LRRC32: variants seen among roughly 807,000 people sequenced by gnomAD.
LRRC32 encodes transforming growth factor beta activator LRRC32.
A neutral mutation model predicts 15.0 loss-of-function variants in LRRC32; 5 were observed. The ratio of observed to expected loss-of-function variants is 0.33; its 90% confidence interval spans 0.17 to 0.70. LRRC32 has a LOEUF of 0.70. Among genes scored for constraint, LRRC32 ranks in the 30% least tolerant of loss-of-function variants. The probability of loss-of-function intolerance (pLI) is 0.66; values close to 1 mark genes in which losing one functional copy is unlikely to be tolerated. For missense variants in LRRC32, 803 were observed against 854.2 expected (o/e 0.94, Z 0.75); for synonymous variants, 391 against 403.9 (o/e 0.97, Z 0.38).
Position 76,660,577 on chromosome 11 carries a change from G to C in LRRC32, c.1016C>G (p.Thr339Ser). 1 of 1,614,204 alleles carries C rather than the reference G, an allele frequency of 6.2e-7. No homozygotes were observed. The change falls in exon 3 of 3, where the codon ACC becomes AGC. Residue 339 changes from threonine to serine, a missense_variant. Transcript: ENST00000260061. ...LIPDSFLEHLTSLCFLNLSRN... is the reference protein window; with the variant it reads ...LIPDSFLEHLSSLCFLNLSRN... ...GCTGAGGTTCAGGAAGCACAGGGAG[G>C]TCAGGTGCTCAAGAAAGCTGTCGGG...
intron 2 of LRRC32, 138 bp from the exon 3 acceptor site, chr11:76,661,646 A>G: frequency 7.2e-7 from 1 of 1,395,960 alleles, no homozygotes. Context: ...ACTTTCCCCC[A>G]CCGCAGCCTG....
chr11:76,667,279 G>A (rs529685782), intron 1 of LRRC32, among the ~76,000 whole-genome samples: 28 of 152,318 alleles, frequency 1.8e-4, no homozygotes, highest in African/African-American at 5.1e-4. Context: ...GAGGTCACAC[G>A]GTGAACAAGC....
In LRRC32 at chr11:76,659,312, G is replaced by A. The variant is rs1952467552; in HGVS notation, c.*292C>T. 1.6e-5 allele frequency: 6 copies of A among 386,010 alleles called. No individual in the cohort carries two copies. The East Asian group carries it at 2.9e-4, about 19-fold the overall frequency. 23.9% of individuals were successfully genotyped at this position (386,010 alleles called of 1,614,324 possible). A position where few individuals can be genotyped will look rare whatever the true frequency, so the allele number is the denominator to read the frequency against. On this transcript the variant is annotated 3_prime_UTR_variant, in exon 3 of 3. Coordinates refer to ENST00000260061, the MANE Select transcript of LRRC32 (RefSeq NM_001128922.2). ...TTTCCCAGCATTCCCAGTGCCCAGAGCAGGGTGTGGCACAAAATACATGCT... is the reference window on the plus strand; with the variant it reads ...TTTCCCAGCATTCCCAGTGCCCAGAACAGGGTGTGGCACAAAATACATGCT...
In LRRC32 at chr11:76,659,522, A is replaced by G. The variant is rs1331987657; in HGVS notation, c.*82T>C. On this transcript the variant is annotated 3_prime_UTR_variant, in exon 3 of 3. Transcript: ENST00000260061. ...GGAGACCAGAGTTCTGGGATCCCGG[A>G]TCACTGTGTGACCTTGAGTCAGTCC... 5 of 1,429,180 alleles carry G rather than the reference A, an allele frequency of 3.5e-6. No individual in the cohort carries two copies. The highest frequency in any genetic ancestry group is 4.7e-6 in the Non-Finnish European group (5 of 1,053,462). The allele number at this position is 1,429,180 out of a possible 1,614,324, so 88.5% of individuals were successfully genotyped here.
Position 76,657,662 on chromosome 11 carries a change from C to T in LRRC32, c.*1942G>A, listed in dbSNP as rs996373609. 1 of 152,968 alleles carries T rather than the reference C, an allele frequency of 6.5e-6. No homozygotes were observed. Among genetic ancestry groups the T allele is most frequent in the Admixed American group, 6.5e-5 (1 of 15,312 alleles). The allele number at this position is 152,968 out of a possible 1,614,324, so 9.5% of individuals were successfully genotyped here. A position where few individuals can be genotyped will look rare whatever the true frequency, so the allele number is the denominator to read the frequency against. On this transcript the variant is annotated 3_prime_UTR_variant, in exon 3 of 3. Coordinates refer to ENST00000260061, the MANE Select transcript of LRRC32 (RefSeq NM_001128922.2). ...TTCAAAGATCAGGCGTGGGGACCCA[C>T]ACCTTGGCCTCCAGGCCTAAGGAGG...
rs1190175285 is a variant in LRRC32 at position 76,660,619 on chromosome 11, T to C, written c.974A>G (p.Asn325Ser). The C allele has an allele frequency of 5.0e-6, 8 of 1,614,060 alleles. No homozygotes were observed. Among genetic ancestry groups the C allele is most frequent in the Non-Finnish European group, 6.8e-6 (8 of 1,179,982 alleles). The change falls in exon 3 of 3, where the codon AAT (asparagine) becomes AGT (serine). Residue 325 changes from asparagine to serine, a missense_variant. By Grantham distance (46) the Asn-to-Ser change is conservative. Coordinates refer to ENST00000260061, the MANE Select transcript of LRRC32 (RefSeq NM_001128922.2). Reference sequence around the variant, plus strand: ...GCTGTCGGGGATGAGCTCAATCTCATTGTAGCTCAAATCCAGATTCAAGAG... The same window carrying C: ...GCTGTCGGGGATGAGCTCAATCTCACTGTAGCTCAAATCCAGATTCAAGAG... Reference protein sequence around the residue: ...SQLLNLDLSYNEIELIPDSFL... With the variant: ...SQLLNLDLSYSEIELIPDSFL...
In LRRC32 at chr11:76,661,102, A is replaced by AG. The variant is rs903323864; in HGVS notation, c.490dup (p.Leu164ProfsTer16). ...CATGTCCCGGAAGGTGTGGCGGGTG[A>AG]GGCGAGTCAGACTGTTCTCCGCCAG... On this transcript the variant is annotated frameshift_variant, in exon 3 of 3. Coordinates refer to ENST00000260061, the MANE Select transcript of LRRC32 (RefSeq NM_001128922.2). LOFTEE classifies it low-confidence loss of function (END_TRUNC). The AG allele has an allele frequency of 6.2e-7, 1 of 1,613,324 alleles. No individual in the cohort carries two copies. The highest frequency in any genetic ancestry group is 1.3e-5 in the African/African-American group (1 of 74,998).
At chr11:76,661,684 G>A (rs1411949573) in intron 2 of LRRC32, among the ~76,000 whole-genome samples, 176 bp from the exon 3 acceptor site, 1 of 152,176 alleles carries the variant, frequency 6.6e-6, no homozygotes, top group Non-Finnish European at 1.5e-5. Context: ...TGACCCATCC[G>A]GCTCCCTGCC....
At position 76,661,218 on chromosome 11, in the gene LRRC32, G is replaced by A. The variant is rs771338935; in HGVS notation, c.375C>T (p.Arg125=). 3.2e-5 allele frequency: 51 copies of A among 1,613,728 alleles called. No individual in the cohort carries two copies. The highest frequency in any genetic ancestry group is 4.0e-5 in the Non-Finnish European group (47 of 1,179,936). ...TCCCAGACAGGTCCAGGGAGGTCAC[G>A]CGTGGCAGGGGGCCCAGGCCACCAG... ...LSAGGLGPLP[R]VTSLDLSGNS... The change falls in exon 3 of 3, where the codon CGC becomes CGT. Residue 125 remains arginine, a synonymous_variant. Coordinates refer to ENST00000260061, the MANE Select transcript of LRRC32 (RefSeq NM_001128922.2).
rs761236278 is a variant in LRRC32, at chr11:76,659,662, G to A, written c.1931C>T (p.Thr644Met). 51 of 1,614,090 alleles carry A rather than the reference G, an allele frequency of 3.2e-5. 1 individual carries two copies. The highest frequency in any genetic ancestry group is 1.6e-4 in the Middle Eastern group (1 of 6,084). ...FILVSAILLT[T>M]LAACCCVRRQ... is the part of the protein sequence containing the mutation. ...GCGGACGCAGCAGCAGGCGGCCAGCGTGGTGAGGAGGATGGCAGAGACCAG... is the reference window on the plus strand; with the variant it reads ...GCGGACGCAGCAGCAGGCGGCCAGCATGGTGAGGAGGATGGCAGAGACCAG... The change falls in exon 3 of 3, where the codon ACG becomes ATG. Residue 644 changes from threonine (T) to methionine (M), a missense_variant. Coordinates refer to ENST00000260061, the MANE Select transcript of LRRC32 (RefSeq NM_001128922.2).
Position 76,659,922 on chromosome 11 carries a change from A to G in LRRC32, c.1671T>C (p.Gly557=), listed in dbSNP as rs1952482308. The part of the protein sequence containing the change: ...SFSLLPGSAM[G]GLETSLRRLY... ...GGCGCCGGAGGCTGGTCTCCAGGCC[A>G]CCCATGGCACTGCCTGGCAGGAGGC... The change falls in exon 3 of 3, where the codon GGT becomes GGC. Residue 557 remains glycine, a synonymous_variant. Coordinates refer to ENST00000260061, the MANE Select transcript of LRRC32 (RefSeq NM_001128922.2). 6.2e-7 allele frequency: 1 copy of G among 1,613,818 alleles called. No homozygotes were observed. The highest frequency in any genetic ancestry group is 8.5e-7 in the Non-Finnish European group (1 of 1,179,974).
intron 1 of LRRC32, 128 bp from the exon 2 acceptor site, chr11:76,666,086 A>C: frequency 1.2e-6 from 1 of 805,576 alleles, no homozygotes; most frequent in South Asian, 1.6e-5. Context: ...GCTGGAATAA[A>C]GATGCTTTGA....
chr11:76,667,511 T>C (rs1490812624), intron 1 of LRRC32, among the ~76,000 whole-genome samples: 1 of 152,224 alleles, frequency 6.6e-6, no homozygotes. Context: ...CCCATCTCTC[T>C]TGAAGGCGCA....
Position 76,659,983 on chromosome 11 carries a change from G to A in LRRC32, c.1610C>T (p.Ser537Leu), listed in dbSNP as rs1325359194. Reference protein sequence around the residue: ...SHLPAWTQAVSLEVLDLRNNS... With the variant: ...SHLPAWTQAVLLEVLDLRNNS... ...GTTTCGCAGGTCCAGCACCTCCAGT[G>A]ACACAGCCTGTGTCCAGGCGGGAAG... Residue 537 changes from serine to leucine, a missense_variant, in exon 3 of 3, where the codon TCA becomes TTA. Physicochemically the swap from Ser to Leu is moderately radical, Grantham distance 145 (BLOSUM62 -2). Coordinates refer to ENST00000260061, the MANE Select transcript of LRRC32 (RefSeq NM_001128922.2). 6.2e-7 allele frequency: 1 copy of A among 1,614,014 alleles called. No homozygotes were observed. Among genetic ancestry groups the A allele is most frequent in the African/African-American group, 1.3e-5 (1 of 74,954 alleles).
rs763144122 is a variant in LRRC32, at chr11:76,659,850, C to T, written c.1743G>A (p.Leu581=). Residue 581 remains leucine, a synonymous_variant, in exon 3 of 3, where the codon CTG becomes CTA. Coordinates refer to ENST00000260061, the MANE Select transcript of LRRC32 (RefSeq NM_001128922.2). ...NPLSCCGNGW[L]AAQLHQGRVD... ...CACGGCCCTGGTGCAGCTGGGCTGCCAGCCAGCCATTGCCGCAGCAGCTGA... is the reference window on the plus strand; with the variant it reads ...CACGGCCCTGGTGCAGCTGGGCTGCTAGCCAGCCATTGCCGCAGCAGCTGA... The T allele has an allele frequency of 7.4e-6, 12 of 1,613,592 alleles. No individual in the cohort carries two copies. In the South Asian group the frequency reaches 1.3e-4, roughly 18 times the overall value.
At chr11:76,664,910 C>A (rs1464378932) in intron 2 of LRRC32, among the ~76,000 whole-genome samples, 1 of 152,220 alleles carries the variant, frequency 6.6e-6, no homozygotes, top group Admixed American at 6.5e-5. Flanking sequence ...AGACATTGCA[C>A]CCCCAGGGAA....
chr11:76,668,576 C>T (rs1371790347), intron 1 of LRRC32, among the ~76,000 whole-genome samples: 4 of 152,192 alleles, frequency 2.6e-5, no homozygotes, highest in Admixed American at 2.6e-4. Context: ...CTGCAGTTTC[C>T]TCTCCCTGAA....
chr11:76,660,878 G>T lies in LRRC32; in HGVS notation c.715C>A (p.Pro239Thr), dbSNP rs761127554. ...SIEAFQTASQ[P>T]QAEFQLTWLD... is the part of the protein sequence containing the mutation. ...CAGGTGAGCTGGAACTCAGCCTGGG[G>T]CTGGGAGGCCGTCTGAAAGGCCTCG... Residue 239 changes from proline (P) to threonine (T), a missense_variant, in exon 3 of 3, where the codon CCC becomes ACC. Physicochemically the swap from Pro to Thr is conservative, Grantham distance 38. Transcript: ENST00000260061. The T allele has an allele frequency of 6.2e-7, 1 of 1,614,232 alleles. No individual in the cohort carries two copies. Among genetic ancestry groups the T allele is most frequent in the Non-Finnish European group, 8.5e-7 (1 of 1,180,042 alleles).
chr11:76,667,876 C>G (rs1031665338), intron 1 of LRRC32, among the ~76,000 whole-genome samples: 2 of 152,242 alleles, frequency 1.3e-5, no homozygotes, highest in Non-Finnish European at 2.9e-5. Flanking sequence ...TTCACTTTCT[C>G]CCCTCTCCTC....
Sources: allele counts gnomAD v4.1 joint callset (sites outside exome capture counted in the v4.1 genomes callset), GRCh38; gene constraint gnomAD v4.1.1; transcripts MANE v1.5; gene names NCBI Gene and HGNC (gene_info 2026-07-23, HGNC 2026-07-21).